Variants in CMTM8 observed in about 807,000 individuals in gnomAD.
CMTM8 encodes the protein CKLF like MARVEL transmembrane domain containing 8, also known as CKLF-like MARVEL transmembrane domain-containing protein 8.
In CMTM8, 12 loss-of-function variants were observed where a neutral mutation model predicts 18.6. That is an observed-to-expected ratio of 0.65 (90% CI 0.41 to 1.05). CMTM8 has a LOEUF of 1.05. Ranked by LOEUF, CMTM8 falls within the 50% of genes least tolerant of loss-of-function variation. The probability of loss-of-function intolerance (pLI) is 0.00; values close to 1 mark genes in which losing one functional copy is unlikely to be tolerated. For synonymous variants in CMTM8, 87 were observed against 90.6 expected (o/e 0.96, Z 0.23); for missense variants, 217 against 227.2 (o/e 0.95, Z 0.29).
chr3:32,252,481 C>T (rs1187924127), intron 1 of CMTM8, among the ~76,000 whole-genome samples: 1 of 152,166 alleles, frequency 6.6e-6, no homozygotes, highest in Admixed American at 6.5e-5. Flanking sequence ...CTTTCTGATG[C>T]CAAATCTTAC....
intron 1 of CMTM8, among the ~76,000 whole-genome samples, chr3:32,308,369 C>T (rs1336816911): frequency 6.6e-6 from 1 of 152,182 alleles, no homozygotes; most frequent in South Asian, 2.1e-4. Flanking sequence ...TATGTGAAGT[C>T]CCCCTCCATA....
chr3:32,342,843 C>G (rs764125), intron 1 of CMTM8, among the ~76,000 whole-genome samples: 7,398 of 152,310 alleles, frequency 0.049, 240 homozygotes, highest in East Asian at 0.14. Context: ...CGCAAGCACT[C>G]TTGTGCATAC....
At chr3:32,326,878 C>T (rs776433114) in intron 1 of CMTM8, among the ~76,000 whole-genome samples, 32 of 152,180 alleles carry the variant, frequency 2.1e-4, no homozygotes, top group Middle Eastern at 3.4e-3. Flanking sequence ...TTGGTTTCCC[C>T]GATAACCCAA....
At chr3:32,247,872 C>T (rs1175655763) in intron 1 of CMTM8, among the ~76,000 whole-genome samples, 1 of 152,182 alleles carries the variant, frequency 6.6e-6, no homozygotes, top group African/African-American at 2.4e-5. Context: ...GTAGTCACTC[C>T]CCATTCCTCC....
At chr3:32,321,206 A>C (rs1460633499) in intron 1 of CMTM8, among the ~76,000 whole-genome samples, 3 of 152,116 alleles carry the variant, frequency 2.0e-5, no homozygotes, top group Non-Finnish European at 4.4e-5. Flanking sequence ...TTCCCAGAGA[A>C]ACGTGACGCT....
intron 2 of CMTM8, among the ~76,000 whole-genome samples, chr3:32,366,054 C>G (rs558647654): frequency 1.3e-5 from 2 of 152,170 alleles, no homozygotes; most frequent in Non-Finnish European, 2.9e-5. Context: ...ACATTTCCTC[C>G]AACCCAGGCA....
intron 1 of CMTM8, among the ~76,000 whole-genome samples, chr3:32,252,935 A>G (rs1042304941): frequency 1.3e-5 from 2 of 152,292 alleles, no homozygotes; most frequent in African/African-American, 4.8e-5. Flanking sequence ...TAAGGAAGGG[A>G]AGTTAACTGT....
chr3:32,266,384 G>A (rs1344452919), intron 1 of CMTM8, among the ~76,000 whole-genome samples: 1 of 152,108 alleles, frequency 6.6e-6, no homozygotes, highest in African/African-American at 2.4e-5. Context: ...TGCAGAAAAG[G>A]CCTTTGACAA....
intron 1 of CMTM8, among the ~76,000 whole-genome samples, chr3:32,344,191 T>G (rs976743571): frequency 6.6e-6 from 1 of 152,168 alleles, no homozygotes; most frequent in Non-Finnish European, 1.5e-5. Context: ...TGATTTAAAA[T>G]CTAATGAGGT....
At chr3:32,307,508 A>G (rs1442644204) in intron 1 of CMTM8, among the ~76,000 whole-genome samples, 1 of 152,090 alleles carries the variant, frequency 6.6e-6, no homozygotes, top group Non-Finnish European at 1.5e-5. Flanking sequence ...GGGAGATGAT[A>G]AGTAAGTCCT....
chr3:32,343,853 C>G (rs1376803830), intron 1 of CMTM8, among the ~76,000 whole-genome samples: 1 of 152,186 alleles, frequency 6.6e-6, no homozygotes, highest in South Asian at 2.1e-4. Context: ...GCATGTGCCA[C>G]CACGCCTGGC....
At chr3:32,369,628 C>G (rs1017893302) in intron 3 of CMTM8, among the ~76,000 whole-genome samples, 19 of 152,298 alleles carry the variant, frequency 1.2e-4, no homozygotes, top group African/African-American at 4.3e-4. Flanking sequence ...GCACTGCCGC[C>G]GTATTCACTC....
intron 1 of CMTM8, among the ~76,000 whole-genome samples, chr3:32,350,952 C>A (rs1696696766): frequency 6.6e-6 from 1 of 152,254 alleles, no homozygotes; most frequent in Non-Finnish European, 1.5e-5. Flanking sequence ...AGCCACCGCA[C>A]CTGGCTCTGT....
intron 2 of CMTM8, among the ~76,000 whole-genome samples, chr3:32,361,791 G>C (rs1696936956): frequency 6.6e-6 from 1 of 152,114 alleles, no homozygotes; most frequent in Non-Finnish European, 1.5e-5. Context: ...GAGCTCCTGG[G>C]CTACAACTGT....
At chr3:32,321,994 ACTGT>A (rs1696064346) in intron 1 of CMTM8, among the ~76,000 whole-genome samples, 1 of 152,222 alleles carries the variant, frequency 6.6e-6, no homozygotes, top group Non-Finnish European at 1.5e-5. Flanking sequence ...GGTTAGCGCC[ACTGT>A]CTGTCCTGTG....
chr3:32,250,177 A>T (rs1040206112), intron 1 of CMTM8, among the ~76,000 whole-genome samples: 1 of 152,240 alleles, frequency 6.6e-6, no homozygotes, highest in African/African-American at 2.4e-5. Context: ...AAATCAAATG[A>T]TCATAAATAT....
At chr3:32,253,397 G>A (rs1559362105) in intron 1 of CMTM8, among the ~76,000 whole-genome samples, 1 of 144,606 alleles carries the variant, frequency 6.9e-6, no homozygotes. Flanking sequence ...AGGCTGGAGT[G>A]CAGTTGGCGC....
chr3:32,302,863 T>C (rs565866855), intron 1 of CMTM8, among the ~76,000 whole-genome samples: 1 of 152,350 alleles, frequency 6.6e-6, no homozygotes, highest in East Asian at 1.9e-4. Context: ...ACCCATGGCA[T>C]GAAGAGATTG....
chr3:32,254,814 G>T (rs1484338721), intron 1 of CMTM8, among the ~76,000 whole-genome samples: 4 of 151,886 alleles, frequency 2.6e-5, no homozygotes, highest in African/African-American at 9.7e-5. Flanking sequence ...AATATTCATA[G>T]CATTGTGCAA....
Sources: gnomAD v4.1 joint callset for allele counts (sites outside exome capture counted in the v4.1 genomes callset) on GRCh38, gnomAD v4.1.1 for gene constraint, MANE v1.5 for transcripts, NCBI Gene and HGNC (gene_info 2026-07-23, HGNC 2026-07-21) for gene names.